Variants in EPYC observed in about 807,000 individuals in gnomAD.
The protein encoded by EPYC is epiphycan, also known as dermatan sulfate proteoglycan 3.
A neutral mutation model predicts 30.1 loss-of-function variants in EPYC; 28 were observed. The ratio of observed to expected loss-of-function variants is 0.93; its 90% confidence interval spans 0.69 to 1.28. The LOEUF is 1.28. EPYC is among the 50% of genes most tolerant of loss of function. The pLI is 0.00. For synonymous variants in EPYC, 144 were observed against 141.4 expected (o/e 1.02, Z -0.13); for missense variants, 382 against 383.5 (o/e 1.00, Z 0.03).
At chr12:90,998,102 A>G (rs112731456) in intron 2 of EPYC, among the ~76,000 whole-genome samples, 243 of 152,260 alleles carry the variant, frequency 1.6e-3, no homozygotes, top group African/African-American at 5.7e-3. Context: ...CAATAGGAAT[A>G]ACAATAGCAA....
At chr12:90,976,817 G>T (rs746641713) in intron 3 of EPYC, among the ~76,000 whole-genome samples, 1 of 152,082 alleles carries the variant, frequency 6.6e-6, no homozygotes, top group Non-Finnish European at 1.5e-5. Flanking sequence ...TGTTCTCATG[G>T]TAGTGAATAA....
intron 5 of EPYC, among the ~76,000 whole-genome samples, chr12:90,970,748 C>T (rs1877020686): frequency 6.6e-6 from 1 of 152,202 alleles, no homozygotes; most frequent in Admixed American, 6.5e-5. Context: ...CCCATAGCTA[C>T]CATTGATGGT....
intron 2 of EPYC, among the ~76,000 whole-genome samples, chr12:90,982,051 T>C (rs747285668): frequency 2.6e-5 from 4 of 152,208 alleles, no homozygotes; most frequent in Admixed American, 6.5e-5. Context: ...TTTATAATTA[T>C]CTAAAATGTC....
At chr12:91,000,301 C>T (rs1877793021) in intron 2 of EPYC, among the ~76,000 whole-genome samples, 1 of 152,040 alleles carries the variant, frequency 6.6e-6, no homozygotes, top group African/African-American at 2.4e-5. Flanking sequence ...TGTAAAGACG[C>T]AATGCTTTAT....
chr12:90,964,194 T>C lies in EPYC; in HGVS notation c.931A>G (p.Met311Val), dbSNP rs1305866326. The C allele has an allele frequency of 9.9e-6, 16 of 1,613,224 alleles. No homozygotes were observed. Among genetic ancestry groups the C allele is most frequent in the Non-Finnish European group, 1.4e-5 (16 of 1,179,492 alleles). ...CCAACAGGCAGACGAGGTAGACACA[T>C]GTATGCTTGAGGAGTTTTGCTGAGA... is the stretch of plus-strand genomic sequence containing the variant. ...INLSKTPQAY[M>V]CLPRLPVGSL... The change falls in exon 7 of 7, where the codon ATG becomes GTG. Residue 311 changes from methionine (M) to valine (V), a missense_variant. Coordinates refer to ENST00000261172, the MANE Select transcript of EPYC (RefSeq NM_004950.5).
At chr12:90,964,407 C>T in intron 6 of EPYC, 81 bp from the exon 7 acceptor site, 1 of 980,926 alleles carries the variant, frequency 1.0e-6, no homozygotes, top group Non-Finnish European at 1.5e-6. Flanking sequence ...TGTGCTTCAC[C>T]CTTGTTTTTA....
intron 2 of EPYC, among the ~76,000 whole-genome samples, chr12:90,994,298 G>C (rs1289262958): frequency 6.6e-6 from 1 of 152,158 alleles, no homozygotes; most frequent in Non-Finnish European, 1.5e-5. Flanking sequence ...AATTGAGTGA[G>C]TGATTCAATG....
chr12:90,974,360 A>G (rs1459241338), intron 3 of EPYC, among the ~76,000 whole-genome samples: 2 of 152,184 alleles, frequency 1.3e-5, no homozygotes. Flanking sequence ...GCTGAAAGCC[A>G]GATTACAGTC....
Position 90,985,982 on chromosome 12 carries a change from A to C in EPYC, c.166-7720T>G, listed in dbSNP as rs541169603. Among the ~76,000 whole-genome samples the C allele has an allele frequency of 2.4e-4, 37 of 152,266 alleles. 1 individual carries two copies. Among genetic ancestry groups the C allele is most frequent in the South Asian group, 4.1e-4 (2 of 4,826 alleles). ...CTGAGGAATCCTGGGACAGCCTGTA[A>C]CCAGGTATTTCTCCCACCTCCTTAT... is the stretch of plus-strand genomic sequence containing the variant. On this transcript the variant is annotated intron_variant, in intron 2 of 6. Transcript: ENST00000261172.
At chr12:90,991,333 A>G (rs1187700853) in intron 2 of EPYC, among the ~76,000 whole-genome samples, 1 of 152,178 alleles carries the variant, frequency 6.6e-6, no homozygotes, top group Non-Finnish European at 1.5e-5. Context: ...ATTAGGGAAG[A>G]TCCAATGAAA....
At position 90,971,930 on chromosome 12, in the gene EPYC, G is replaced by A; in HGVS notation, c.572C>T (p.Pro191Leu). The A allele has an allele frequency of 1.9e-6, 3 of 1,611,220 alleles. No individual in the cohort carries two copies. Among genetic ancestry groups the A allele is most frequent in the Non-Finnish European group, 2.5e-6 (3 of 1,178,778 alleles). ...EIDEDAFRKL[P>L]QLRELVLRDN... ...ACGCAGGACAAGCTCTCGAAGTTGA[G>A]GCAGTTTTCGGAATGCATCTTCATC... Residue 191 changes from proline (P) to leucine (L), a missense_variant, in exon 5 of 7, where the codon CCT becomes CTT. Pro to Leu is a moderately conservative substitution (Grantham distance 98). Transcript: ENST00000261172.
intron 2 of EPYC, among the ~76,000 whole-genome samples, chr12:90,994,111 G>A (rs1432822276): frequency 2.0e-5 from 3 of 152,066 alleles, no homozygotes; most frequent in African/African-American, 4.8e-5. Flanking sequence ...GAATGCCAAG[G>A]CACAGGAAGA....
chr12:91,004,643 C>A (rs573751133), intron 1 of EPYC, among the ~76,000 whole-genome samples: 12 of 151,972 alleles, frequency 7.9e-5, no homozygotes, highest in African/African-American at 2.9e-4. Context: ...TCTATACTGG[C>A]AAAGAATGTG....
chr12:90,989,988 C>T (rs761700167), intron 2 of EPYC, among the ~76,000 whole-genome samples: 7 of 151,962 alleles, frequency 4.6e-5, no homozygotes, highest in Non-Finnish European at 8.8e-5. Context: ...CCCTTATTGC[C>T]CTTGTTCCCC....
intron 2 of EPYC, among the ~76,000 whole-genome samples, chr12:91,000,052 G>T (rs11105909): frequency 6.6e-6 from 1 of 151,924 alleles, no homozygotes; most frequent in Non-Finnish European, 1.5e-5. Context: ...ATATGTATAT[G>T]CCTATTTATA....
chr12:90,977,009 G>T (rs1352350165), intron 3 of EPYC, among the ~76,000 whole-genome samples: 1 of 152,048 alleles, frequency 6.6e-6, no homozygotes, highest in Non-Finnish European at 1.5e-5. Flanking sequence ...CCAATCTTGG[G>T]TATGTCTTTA....
intron 6 of EPYC, among the ~76,000 whole-genome samples, chr12:90,965,450 G>GTGCA (rs1565869408): frequency 6.6e-6 from 1 of 152,046 alleles, no homozygotes; most frequent in East Asian, 1.9e-4. Flanking sequence ...TCCAAAGTAG[G>GTGCA]TGCACCATTT....
chr12:90,986,044 T>C (rs1877440675), intron 2 of EPYC, among the ~76,000 whole-genome samples: 1 of 152,138 alleles, frequency 6.6e-6, no homozygotes, highest in Non-Finnish European at 1.5e-5. Context: ...CACTTGCCTT[T>C]CTTGTTATGC....
intron 2 of EPYC, among the ~76,000 whole-genome samples, chr12:90,986,052 T>A (rs1254526807): frequency 6.6e-6 from 1 of 152,152 alleles, no homozygotes; most frequent in Non-Finnish European, 1.5e-5. Context: ...TTTCTTGTTA[T>A]GCCTGAAAGT....
Sources: allele counts gnomAD v4.1 joint callset (sites outside exome capture counted in the v4.1 genomes callset), GRCh38; gene constraint gnomAD v4.1.1; transcripts MANE v1.5; gene names NCBI Gene and HGNC (gene_info 2026-07-23, HGNC 2026-07-21).